Variants in NT5E observed in about 807,000 individuals in gnomAD.
NT5E encodes 5'-nucleotidase.
In NT5E, 53 loss-of-function variants were observed where a neutral mutation model predicts 55.1. The ratio of observed to expected loss-of-function variants is 0.96; its 90% CI spans 0.77 to 1.21. The LOEUF (loss-of-function observed/expected upper bound fraction) is 1.21, where lower values mean the gene tolerates loss of function less well. NT5E is among the 50% of genes most tolerant of loss of function. The pLI is 0.00. For missense variants in NT5E, 683 were observed against 724.3 expected, an observed-to-expected ratio of 0.94 and a Z score of 0.65; for synonymous variants, 270 against 278.4, an observed-to-expected ratio of 0.97 and a Z score of 0.30.
In NT5E at chr6:85,467,088, G is replaced by T. The variant is rs1163802699; in HGVS notation, c.368G>T (p.Gly123Val). The change falls in exon 2 of 9, where the codon GGT becomes GTT. Residue 123 changes from glycine (G) to valine (V), a missense_variant. Coordinates refer to ENST00000257770, the MANE Select transcript of NT5E (RefSeq NM_002526.4). Reference protein sequence around the residue: ...MALGNHEFDNGVEGLIEPLLK... With the variant: ...MALGNHEFDNVVEGLIEPLLK... ...CTGGGAAATCATGAATTTGATAATGGTGTGGAAGGACTGATCGAGCCACTC... is the reference window on the plus strand; with the variant it reads ...CTGGGAAATCATGAATTTGATAATGTTGTGGAAGGACTGATCGAGCCACTC... 1.2e-6 allele frequency: 2 copies of T among 1,614,028 alleles called. No individual in the cohort carries two copies. The highest frequency in any genetic ancestry group is 1.7e-6 in the Non-Finnish European group (2 of 1,179,990).
At chr6:85,466,174 C>A (rs34239697) in intron 1 of NT5E, among the ~76,000 whole-genome samples, 5,806 of 152,156 alleles carry the variant, frequency 0.038, 174 homozygotes, top group South Asian at 0.17. Flanking sequence ...TCCACTCCCC[C>A]CCAGCCCCCA....
chr6:85,465,763 T>C (rs1257987971), intron 1 of NT5E, among the ~76,000 whole-genome samples: 1 of 152,182 alleles, frequency 6.6e-6, no homozygotes, highest in Non-Finnish European at 1.5e-5. Context: ...TGGCAGGGCC[T>C]GGTGGCCCAG....
Position 85,493,938 on chromosome 6 carries a change from C to T in NT5E, c.1659C>T (p.His553=), listed in dbSNP as rs1377566287. ...EGRIKFSTGS[H]CHGSFSLIFL... is the part of the protein sequence containing the mutation. ...GGATCAAGTTTTCCACAGGAAGTCA[C>T]TGCCATGGAAGCTTTTCTTTAATAT... is the stretch of plus-strand genomic sequence containing the variant. Residue 553 remains histidine (H), a synonymous_variant, in exon 9 of 9, where the codon CAC becomes CAT. Transcript: ENST00000257770. The T allele has an allele frequency of 6.2e-7, 1 of 1,613,988 alleles. No homozygotes were observed. The highest frequency in any genetic ancestry group is 8.5e-7 in the Non-Finnish European group (1 of 1,179,996).
At chr6:85,485,114 A>T in intron 3 of NT5E, 121 bp from the exon 4 acceptor site, 1 of 931,132 alleles carries the variant, frequency 1.1e-6, no homozygotes, top group Non-Finnish European at 1.7e-6. Context: ...CTAGCTATGT[A>T]GAGCAACAGA....
intron 1 of NT5E, among the ~76,000 whole-genome samples, chr6:85,452,160 G>T (rs1440954713): frequency 1.3e-5 from 2 of 152,202 alleles, no homozygotes; most frequent in African/African-American, 4.8e-5. Flanking sequence ...GAATTGAGTT[G>T]TTGCTACCCT....
chr6:85,457,773 T>C (rs1368658951), intron 1 of NT5E, among the ~76,000 whole-genome samples: 1 of 152,224 alleles, frequency 6.6e-6, no homozygotes, highest in Non-Finnish European at 1.5e-5. Flanking sequence ...CCAGGCTCTC[T>C]GCTAAGTGCT....
Position 85,487,649 on chromosome 6 carries a change from C to G in NT5E, c.1104+160C>G, listed in dbSNP as rs149063744. Among the ~76,000 whole-genome samples, 456 of 152,244 alleles carry G rather than the reference C, an allele frequency of 3.0e-3. 1 individual carries two copies. Among genetic ancestry groups the G allele is most frequent in the South Asian group, 7.9e-3 (38 of 4,824 alleles). On this transcript the variant is annotated intron_variant, in intron 5 of 8. Coordinates refer to ENST00000257770, the MANE Select transcript of NT5E (RefSeq NM_002526.4). Reference sequence around the variant, plus strand: ...GCATGTGCCTATAGTCCCAGCTACTCGGGAGGCTTAGGTGGGAAGATGGCT... The same window carrying G: ...GCATGTGCCTATAGTCCCAGCTACTGGGGAGGCTTAGGTGGGAAGATGGCT...
chr6:85,479,667 A>T (rs1407245885), intron 3 of NT5E, among the ~76,000 whole-genome samples: 1 of 152,114 alleles, frequency 6.6e-6, no homozygotes, highest in African/African-American at 2.4e-5. Context: ...CTCCTTTTTA[A>T]TCTCAAGAAA....
At chr6:85,479,760 C>T (rs900101514) in intron 3 of NT5E, among the ~76,000 whole-genome samples, 3 of 152,166 alleles carry the variant, frequency 2.0e-5, no homozygotes, top group Non-Finnish European at 2.9e-5. Flanking sequence ...CTCTCTCTCT[C>T]CACCCCATTC....
At position 85,494,387 on chromosome 6, in the gene NT5E, G is replaced by T; in HGVS notation, c.*383G>T. Reference sequence around the variant, plus strand: ...AAGTTTTAAGCACACTGTCTCATTTGATATCCACAACTTATTTTTGGTAGG... The same window carrying T: ...AAGTTTTAAGCACACTGTCTCATTTTATATCCACAACTTATTTTTGGTAGG... On this transcript the variant is annotated 3_prime_UTR_variant, in exon 9 of 9. Coordinates refer to ENST00000257770, the MANE Select transcript of NT5E (RefSeq NM_002526.4). The T allele has an allele frequency of 5.1e-6, 1 of 195,564 alleles. No homozygotes were observed. Among genetic ancestry groups the T allele is most frequent in the Non-Finnish European group, 1.1e-5 (1 of 94,226 alleles). The allele number at this position is 195,564 out of a possible 1,614,324, so 12.1% of individuals were successfully genotyped here.
intron 3 of NT5E, among the ~76,000 whole-genome samples, chr6:85,479,803 G>A (rs1320119559): frequency 6.6e-6 from 1 of 152,124 alleles, no homozygotes; most frequent in Non-Finnish European, 1.5e-5. Context: ...AGGCCATAGT[G>A]ATAGAACCAG....
intron 3 of NT5E, among the ~76,000 whole-genome samples, chr6:85,478,045 G>T (rs34009044): frequency 0.042 from 6,308 of 151,104 alleles, 196 homozygotes; most frequent in South Asian, 0.16. Flanking sequence ...AAAAAAAAAG[G>T]ATTTTGCTTT....
intron 5 of NT5E, among the ~76,000 whole-genome samples, chr6:85,488,169 G>A (rs1024753719): frequency 1.3e-5 from 2 of 152,168 alleles, no homozygotes; most frequent in African/African-American, 4.8e-5. Context: ...TGAAGAACAA[G>A]CCCGTCTACT....
intron 1 of NT5E, among the ~76,000 whole-genome samples, chr6:85,465,148 G>C (rs748901224): frequency 2.0e-5 from 3 of 152,124 alleles, no homozygotes; most frequent in Admixed American, 6.5e-5. Flanking sequence ...CTCCCCATGG[G>C]GCAAGAGAGG....
At chr6:85,488,641 C>T (rs1425776551) in intron 5 of NT5E, among the ~76,000 whole-genome samples, 2 of 152,100 alleles carry the variant, frequency 1.3e-5, no homozygotes, top group East Asian at 3.9e-4. Flanking sequence ...AGTGCAGTGG[C>T]ATGATCTCAG....
At chr6:85,468,575 A>G (rs1369328506) in intron 2 of NT5E, among the ~76,000 whole-genome samples, 1 of 152,200 alleles carries the variant, frequency 6.6e-6, no homozygotes, top group Non-Finnish European at 1.5e-5. Context: ...CTCAGGAAGC[A>G]TTGCTGGGAT....
chr6:85,487,289 C>A (rs1411006515), intron 4 of NT5E, 46 bp from the exon 5 acceptor site: 4 of 1,511,782 alleles, frequency 2.6e-6, no homozygotes, highest in Middle Eastern at 1.7e-4. Flanking sequence ...AGAATTTAGC[C>A]CAGTGTGAGA....
intron 1 of NT5E, among the ~76,000 whole-genome samples, chr6:85,465,674 G>A (rs1027128201): frequency 6.6e-6 from 1 of 152,194 alleles, no homozygotes; most frequent in African/African-American, 2.4e-5. Context: ...ACATGAGGAT[G>A]TATACACAAC....
chr6:85,478,875 T>C (rs1769487946), intron 3 of NT5E, among the ~76,000 whole-genome samples: 1 of 152,034 alleles, frequency 6.6e-6, no homozygotes, highest in African/African-American at 2.4e-5. Context: ...GCTAGAGAAA[T>C]AGAAACCAGT....
Sources: gnomAD v4.1 joint callset for allele counts (sites outside exome capture counted in the v4.1 genomes callset) on GRCh38, gnomAD v4.1.1 for gene constraint, MANE v1.5 for transcripts, NCBI Gene and HGNC (gene_info 2026-07-23, HGNC 2026-07-21) for gene names.